The following LINGO1 variants were observed in gnomAD, a reference collection of about 807,000 sequenced individuals.
The protein encoded by LINGO1 is leucine-rich repeat and immunoglobulin-like domain-containing nogo receptor-interacting protein 1.
A neutral mutation model predicts 37.3 loss-of-function variants in LINGO1; 11 were observed. The observed-to-expected ratio is 0.29, with a 90% CI of 0.19 to 0.49. The LOEUF is 0.49. Among genes scored for constraint, LINGO1 ranks in the 20% least tolerant of loss-of-function variants. The pLI is 0.99. For missense variants in LINGO1, 585 were observed against 878.2 expected (o/e 0.67, Z 4.22); for synonymous variants, 387 against 403.0 (o/e 0.96, Z 0.48).
intron 1 of LINGO1, among the ~76,000 whole-genome samples, chr15:77,761,412 C>T (rs1463031033): frequency 1.3e-5 from 2 of 152,196 alleles, no homozygotes; most frequent in African/African-American, 2.4e-5. Context: ...GCTGTCCTCA[C>T]AGTCTTGCTG....
chr15:77,805,344 C>T (rs929505625), intron 1 of LINGO1, among the ~76,000 whole-genome samples: 3 of 152,224 alleles, frequency 2.0e-5, no homozygotes, highest in African/African-American at 7.2e-5. Flanking sequence ...TATGACAGAA[C>T]AGAACAGAGA....
chr15:77,794,988 A>AC (rs1215765775), intron 2 of LINGO1, among the ~76,000 whole-genome samples: 1 of 152,038 alleles, frequency 6.6e-6, no homozygotes, highest in Non-Finnish European at 1.5e-5. Flanking sequence ...TACAACCGTC[A>AC]CCCTATCCCT....
rs150833127 is a variant in LINGO1, at chr15:77,618,061, G to A, written c.7-2161C>T. Among the ~76,000 whole-genome samples the A allele has an allele frequency of 2.7e-3, 408 of 152,302 alleles. 1 individual carries two copies. Among genetic ancestry groups the A allele is most frequent in the African/African-American group, 9.4e-3 (391 of 41,552 alleles). ...CAGAAAAGCAAACATCCTGACAGGCGATCAATAAGTAATTGGGCCGGCAGC... is the reference window on the plus strand; with the variant it reads ...CAGAAAAGCAAACATCCTGACAGGCAATCAATAAGTAATTGGGCCGGCAGC... On this transcript the variant is annotated intron_variant, in intron 1 of 1. Transcript: ENST00000355300.
intron 2 of LINGO1, among the ~76,000 whole-genome samples, chr15:77,713,264 G>C (rs1483475993): frequency 7.0e-6 from 1 of 142,602 alleles, no homozygotes; most frequent in East Asian, 2.1e-4. Flanking sequence ...GTGTTGTAGA[G>C]ACAGGGTTTC....
At chr15:77,703,344 G>A (rs1347062705) in intron 2 of LINGO1, among the ~76,000 whole-genome samples, 2 of 152,204 alleles carry the variant, frequency 1.3e-5, no homozygotes, top group South Asian at 2.1e-4. Flanking sequence ...CTCTTAGAAC[G>A]TGATTGTTTC....
chr15:77,621,516 T>G (rs1198817775), intron 1 of LINGO1, among the ~76,000 whole-genome samples: 3 of 152,208 alleles, frequency 2.0e-5, no homozygotes, highest in Admixed American at 2.0e-4. Flanking sequence ...CTAGTTGGGC[T>G]GCCTGCTCCA....
upstream of LINGO1, among the ~76,000 whole-genome samples, chr15:77,637,315 GCCCAC>G (rs1223108997): frequency 3.3e-5 from 5 of 152,206 alleles, no homozygotes; most frequent in African/African-American, 1.2e-4. The surrounding 1 kb of genome is among the most constrained non-coding windows in gnomAD (Gnocchi z 4.6). Flanking sequence ...TGTGTGGGAG[GCCCAC>G]CCCCGTTAAC....
intron 1 of LINGO1, among the ~76,000 whole-genome samples, chr15:77,770,079 A>AGTCCCAGGAAGCAAACAAG (rs2076569218): frequency 6.6e-6 from 1 of 152,150 alleles, no homozygotes; most frequent in Non-Finnish European, 1.5e-5. Context: ...TTGGGGCCTG[A>AGTCCCAGGAAGCAAACAAG]GTCCCAGGAA....
At chr15:77,779,010 T>C (rs2076689056) in intron 1 of LINGO1, among the ~76,000 whole-genome samples, 1 of 152,078 alleles carries the variant, frequency 6.6e-6, no homozygotes, top group Admixed American at 6.5e-5. Context: ...CCTTCTCCCC[T>C]GGCTGCTCCT....
chr15:77,794,068 G>A (rs998002777), intron 2 of LINGO1, among the ~76,000 whole-genome samples: 75 of 152,040 alleles, frequency 4.9e-4, no homozygotes, highest in African/African-American at 1.7e-3. Context: ...CAATGCCCCC[G>A]GGCTGTGGTG....
chr15:77,794,593 T>A (rs989705308), intron 2 of LINGO1, among the ~76,000 whole-genome samples: 45,651 of 88,592 alleles, frequency 0.52, 11,414 homozygotes, highest in Middle Eastern at 0.6. Context: ...TATATATATT[T>A]TTTTTTTTTT....
intron 1 of LINGO1, among the ~76,000 whole-genome samples, chr15:77,740,118 G>A (rs1209412633): frequency 6.6e-6 from 1 of 152,352 alleles, no homozygotes; most frequent in Non-Finnish European, 1.5e-5. Flanking sequence ...ACTGGGATGA[G>A]GGCTTTAAAG....
intron 1 of LINGO1, among the ~76,000 whole-genome samples, chr15:77,749,064 C>CG (rs2076345067): frequency 6.6e-6 from 1 of 151,686 alleles, no homozygotes; most frequent in African/African-American, 2.4e-5. Context: ...CACACTACCA[C>CG]GCCCGGCTAA....
chr15:77,735,672 A>G (rs1157615372), intron 1 of LINGO1, among the ~76,000 whole-genome samples: 1 of 152,066 alleles, frequency 6.6e-6, no homozygotes, highest in Non-Finnish European at 1.5e-5. Context: ...AGAGTTTCTG[A>G]CCAGTAGGTC....
intron 1 of LINGO1, among the ~76,000 whole-genome samples, chr15:77,742,020 G>C (rs1465028233): frequency 6.6e-6 from 1 of 152,138 alleles, no homozygotes; most frequent in Non-Finnish European, 1.5e-5. Flanking sequence ...CCAGGCAAAG[G>C]TGCTGAGCAT....
intron 1 of LINGO1, among the ~76,000 whole-genome samples, chr15:77,786,439 G>A (rs2076771713): frequency 6.6e-6 from 1 of 152,132 alleles, no homozygotes; most frequent in Admixed American, 6.5e-5. Context: ...CCTCCCTGGT[G>A]GCCCAGACTG....
chr15:77,768,455 C>T (rs1456352598), intron 1 of LINGO1, among the ~76,000 whole-genome samples: 1 of 152,234 alleles, frequency 6.6e-6, no homozygotes, highest in Admixed American at 6.5e-5. Context: ...CAGCCAGCCA[C>T]AGCCTCTGTC....
intron 3 of LINGO1, among the ~76,000 whole-genome samples, chr15:77,676,147 G>A (rs904537387): frequency 2.6e-5 from 4 of 152,250 alleles, no homozygotes; most frequent in Non-Finnish European, 5.9e-5. Flanking sequence ...ACAGCCTGCG[G>A]CAGCTGGGGG....
At chr15:77,665,522 C>G (rs2075110274) in intron 3 of LINGO1, among the ~76,000 whole-genome samples, 1 of 152,214 alleles carries the variant, frequency 6.6e-6, no homozygotes, top group Admixed American at 6.5e-5. Context: ...ACCTGGGAGA[C>G]CCAGCACAGA....
Sources: allele counts gnomAD v4.1 joint callset (sites outside exome capture counted in the v4.1 genomes callset), GRCh38; gene constraint gnomAD v4.1.1; non-coding constraint Gnocchi (gnomAD v3.1); transcripts MANE v1.5; gene names NCBI Gene and HGNC (gene_info 2026-07-23, HGNC 2026-07-21).